The following UVRAG variants were observed in gnomAD, a reference collection of about 807,000 sequenced individuals.
UVRAG encodes the protein UV radiation resistance-associated gene protein.
A neutral mutation model predicts 78.0 loss-of-function variants in UVRAG; 19 were observed. The observed-to-expected ratio is 0.24, with a 90% CI of 0.17 to 0.36. The LOEUF is 0.36. Ranked by LOEUF, UVRAG falls within the 10% of genes least tolerant of loss-of-function variation. The pLI is 1.00. For missense variants in UVRAG, 740 were observed against 853.8 expected, an observed-to-expected ratio of 0.87 and a Z score of 1.66; for synonymous variants, 323 against 324.6, an observed-to-expected ratio of 1.00 and a Z score of 0.05.
At chr11:75,933,812 G>A (rs751149103) in intron 6 of UVRAG, among the ~76,000 whole-genome samples, 1 of 152,116 alleles carries the variant, frequency 6.6e-6, no homozygotes, top group Non-Finnish European at 1.5e-5. Context: ...ATTATCTCAC[G>A]CTAGTTAAAC....
chr11:75,955,705 G>A (rs1323120146), intron 6 of UVRAG, among the ~76,000 whole-genome samples: 18 of 152,100 alleles, frequency 1.2e-4, no homozygotes, highest in Admixed American at 1.2e-3. Flanking sequence ...TTTGAGATAA[G>A]CCTGGGCATA....
chr11:75,817,079 G>C (rs1945276018), intron 1 of UVRAG, among the ~76,000 whole-genome samples: 1 of 152,176 alleles, frequency 6.6e-6, no homozygotes, highest in Non-Finnish European at 1.5e-5. Flanking sequence ...TGTGTTGTGA[G>C]ATACAGGGAG....
At chr11:76,065,278 C>G (rs927319362) in intron 12 of UVRAG, among the ~76,000 whole-genome samples, 1 of 152,178 alleles carries the variant, frequency 6.6e-6, no homozygotes, top group Non-Finnish European at 1.5e-5. Flanking sequence ...AAACAGAAAT[C>G]TTATATATTG....
chr11:75,949,754 CAT>C (rs1948653636), intron 6 of UVRAG, among the ~76,000 whole-genome samples: 1 of 148,478 alleles, frequency 6.7e-6, no homozygotes. Context: ...TATATACACA[CAT>C]ATGTATACAT....
intron 6 of UVRAG, among the ~76,000 whole-genome samples, chr11:75,937,456 C>CT (rs1948395344): frequency 6.6e-6 from 1 of 152,180 alleles, no homozygotes; most frequent in Admixed American, 6.5e-5. Context: ...TAATTGAACT[C>CT]TTTCAGTATG....
At chr11:75,942,216 G>C (rs999231694) in intron 6 of UVRAG, 2 of 153,034 alleles carry the variant, frequency 1.3e-5, no homozygotes, top group African/African-American at 2.4e-5. Flanking sequence ...GTGAATATCA[G>C]CAATTTTCTG....
At chr11:75,952,638 A>G (rs1314837206) in intron 6 of UVRAG, among the ~76,000 whole-genome samples, 1 of 152,096 alleles carries the variant, frequency 6.6e-6, no homozygotes, top group Non-Finnish European at 1.5e-5. Context: ...AGATAAACCC[A>G]CTTGATCCAG....
rs1488806986 is a variant in UVRAG at position 76,141,238 on chromosome 11, G to A, written c.1925G>A (p.Gly642Asp). ...AEEIIGLEATGFASGDQLEAF... is the reference protein window; with the variant it reads ...AEEIIGLEATDFASGDQLEAF... ...GAAATCATCGGGCTGGAAGCCACAG[G>A]TTTCGCCTCAGGTGATCAGCTAGAA... The change falls in exon 15 of 15, where the codon GGT becomes GAT. Residue 642 changes from glycine (G) to aspartate (D), a missense_variant. Transcript: ENST00000356136. 1 of 1,614,198 alleles carries A rather than the reference G, an allele frequency of 6.2e-7. No homozygotes were observed. The highest frequency in any genetic ancestry group is 2.2e-5 in the East Asian group (1 of 44,878).
intron 6 of UVRAG, among the ~76,000 whole-genome samples, chr11:75,938,275 T>C (rs1948418187): frequency 6.6e-6 from 1 of 152,210 alleles, no homozygotes; most frequent in Admixed American, 6.5e-5. Context: ...ATATAAATTA[T>C]AGTTGTAATA....
At chr11:75,886,852 A>ATT (rs111413713) in intron 4 of UVRAG, among the ~76,000 whole-genome samples, 5,238 of 144,526 alleles carry the variant, frequency 0.036, 299 homozygotes, top group African/African-American at 0.12. Context: ...CGGCAGAAGA[A>ATT]TTTTTTTTTT....
At chr11:76,090,907 G>A (rs763241614) in intron 13 of UVRAG, among the ~76,000 whole-genome samples, 5 of 151,924 alleles carry the variant, frequency 3.3e-5, no homozygotes, top group Non-Finnish European at 7.4e-5. Context: ...TGTTTTCTAT[G>A]GCTTTACCAT....
At chr11:75,947,148 A>G (rs950442037) in intron 6 of UVRAG, among the ~76,000 whole-genome samples, 4 of 152,132 alleles carry the variant, frequency 2.6e-5, no homozygotes, top group Non-Finnish European at 5.9e-5. Flanking sequence ...ATATAGTCAC[A>G]TTAAGGGTTA....
intron 13 of UVRAG, among the ~76,000 whole-genome samples, chr11:76,088,850 T>C (rs1591223790): frequency 1.3e-5 from 2 of 152,182 alleles, no homozygotes. Flanking sequence ...AAAAAACAAG[T>C]AATCGATCAA....
At chr11:76,025,388 C>G (rs1950309887) in intron 12 of UVRAG, among the ~76,000 whole-genome samples, 1 of 152,120 alleles carries the variant, frequency 6.6e-6, no homozygotes, top group African/African-American at 2.4e-5. Context: ...GAGTTAGGAC[C>G]TAGCTGATCA....
intron 3 of UVRAG, among the ~76,000 whole-genome samples, chr11:75,862,049 C>T (rs935142377): frequency 3.3e-5 from 5 of 151,762 alleles, no homozygotes; most frequent in Admixed American, 6.6e-5. Context: ...CAAACTGGCA[C>T]GTTGTGTACA....
At chr11:75,994,345 C>T (rs185891345) in intron 8 of UVRAG, among the ~76,000 whole-genome samples, 1 of 152,272 alleles carries the variant, frequency 6.6e-6, no homozygotes. Context: ...GCAGATGTTA[C>T]CCTCATTGTA....
chr11:76,023,196 G>T (rs1370389342), intron 12 of UVRAG, among the ~76,000 whole-genome samples: 1 of 151,968 alleles, frequency 6.6e-6, no homozygotes, highest in African/African-American at 2.4e-5. Context: ...ACTATCTATG[G>T]TCCTTTAATT....
intron 14 of UVRAG, among the ~76,000 whole-genome samples, chr11:76,136,872 C>T: frequency 6.6e-6 from 1 of 152,110 alleles, no homozygotes; most frequent in Non-Finnish European, 1.5e-5. Context: ...AAATTAATAG[C>T]AGTTATTTGA....
chr11:76,116,068 A>G, intron 14 of UVRAG, 53 bp downstream of exon 14: 2 of 1,555,614 alleles, frequency 1.3e-6, no homozygotes, highest in South Asian at 2.3e-5. Flanking sequence ...TAGGATCCTG[A>G]AAATCTTTTC....
Sources: gnomAD v4.1 joint callset for allele counts (sites outside exome capture counted in the v4.1 genomes callset) on GRCh38, gnomAD v4.1.1 for gene constraint, MANE v1.5 for transcripts, NCBI Gene and HGNC (gene_info 2026-07-23, HGNC 2026-07-21) for gene names.